Variants in SEMA3E observed in about 807,000 individuals in gnomAD.
SEMA3E encodes the protein semaphorin-3E.
A neutral mutation model predicts 93.6 loss-of-function variants in SEMA3E; 49 were observed. That is an observed-to-expected ratio of 0.52 (90% CI 0.42 to 0.66). SEMA3E has a LOEUF of 0.66. Ranked by LOEUF, SEMA3E falls within the 30% of genes least tolerant of loss-of-function variation. The pLI is 0.00. For synonymous variants in SEMA3E, 363 were observed against 330.7 expected, an observed-to-expected ratio of 1.10 and a Z score of -1.06; for missense variants, 906 against 964.8, an observed-to-expected ratio of 0.94 and a Z score of 0.81.
At chr7:83,464,811 T>C (rs1194128174) in intron 4 of SEMA3E, among the ~76,000 whole-genome samples, 3 of 146,018 alleles carry the variant, frequency 2.1e-5, no homozygotes, top group Non-Finnish European at 4.5e-5. Context: ...ACGCCGCCCC[T>C]AATCCTGCTT....
chr7:83,458,845 T>A (rs2115847931), intron 4 of SEMA3E, among the ~76,000 whole-genome samples: 1 of 147,900 alleles, frequency 6.8e-6, no homozygotes, highest in African/African-American at 2.5e-5. Flanking sequence ...ATATATATTT[T>A]TCTTTTTTGT....
intron 2 of SEMA3E, among the ~76,000 whole-genome samples, chr7:83,473,083 C>T (rs937971837): frequency 6.6e-6 from 1 of 152,152 alleles, no homozygotes; most frequent in Non-Finnish European, 1.5e-5. Context: ...TGAAAACGGA[C>T]TAATACCACA....
intron 1 of SEMA3E, among the ~76,000 whole-genome samples, chr7:83,615,442 G>A (rs1042889772): frequency 6.6e-6 from 1 of 151,992 alleles, no homozygotes; most frequent in Non-Finnish European, 1.5e-5. Flanking sequence ...AAATGTAAGA[G>A]CTTGGACTAT....
At chr7:83,462,730 A>C (rs1430839210) in intron 4 of SEMA3E, among the ~76,000 whole-genome samples, 14 of 146,184 alleles carry the variant, frequency 9.6e-5, no homozygotes, top group Non-Finnish European at 1.8e-4. Context: ...TAAAGCCTAT[A>C]AACTCTCCTT....
intron 1 of SEMA3E, among the ~76,000 whole-genome samples, chr7:83,645,607 G>C (rs987007016): frequency 3.3e-5 from 5 of 152,002 alleles, no homozygotes; most frequent in African/African-American, 1.2e-4. Context: ...TGTGCAGTGA[G>C]ATATTCAGTT....
chr7:83,453,985 G>A (rs116752521), intron 4 of SEMA3E, among the ~76,000 whole-genome samples: 4,321 of 151,620 alleles, frequency 0.028, 230 homozygotes, highest in African/African-American at 0.098. Context: ...TGGGCCGGGC[G>A]TGATGGTTCA....
rs1051565320 is a variant in SEMA3E at position 83,400,336 on chromosome 7, T to C, written c.1144-86A>G. 78 of 1,259,676 alleles carry C rather than the reference T, an allele frequency of 6.2e-5. No individual in the cohort carries two copies. The African/African-American group carries it at 9.3e-4, about 15-fold the overall frequency. 78.0% of individuals were successfully genotyped at this position (1,259,676 alleles called of 1,614,324 possible). On this transcript the variant is annotated intron_variant, in intron 10 of 16. Coordinates refer to ENST00000643230, the MANE Select transcript of SEMA3E (RefSeq NM_012431.3). ...TCAATTATGAGAAGAATCAGAAAAATTGAAGTTGTCAAATTAGTCAATTGT... is the reference window on the plus strand; with the variant it reads ...TCAATTATGAGAAGAATCAGAAAAACTGAAGTTGTCAAATTAGTCAATTGT...
intron 1 of SEMA3E, among the ~76,000 whole-genome samples, chr7:83,553,076 A>AT (rs1791799384): frequency 1.3e-5 from 2 of 150,694 alleles, no homozygotes; most frequent in African/African-American, 5.0e-5. Context: ...GAAAACCTTA[A>AT]TAAAAACTTG....
chr7:83,576,039 T>A (rs1792394896), intron 1 of SEMA3E, among the ~76,000 whole-genome samples: 1 of 152,216 alleles, frequency 6.6e-6, no homozygotes, highest in Non-Finnish European at 1.5e-5. Context: ...TGATGTCATA[T>A]GACTATCAAA....
At chr7:83,616,835 C>T (rs1793377758) in intron 1 of SEMA3E, 1 of 366,436 alleles carries the variant, frequency 2.7e-6, no homozygotes, top group Non-Finnish European at 5.3e-6. Context: ...AGTGATTCTC[C>T]TGCCTCAGCC....
At chr7:83,398,308 T>C (rs1788164513) in intron 11 of SEMA3E, among the ~76,000 whole-genome samples, 1 of 152,166 alleles carries the variant, frequency 6.6e-6, no homozygotes, top group Non-Finnish European at 1.5e-5. Flanking sequence ...AAAAATCACA[T>C]ACTAGGTTGG....
chr7:83,406,961 T>G, intron 7 of SEMA3E, 136 bp downstream of exon 7: 1 of 986,148 alleles, frequency 1.0e-6, no homozygotes, highest in South Asian at 1.4e-5. Flanking sequence ...ATGTAGAGGT[T>G]GGTATAGTAA....
At chr7:83,381,392 A>AGT (rs1787774586) in intron 16 of SEMA3E, among the ~76,000 whole-genome samples, 1 of 151,878 alleles carries the variant, frequency 6.6e-6, no homozygotes, top group Non-Finnish European at 1.5e-5. Flanking sequence ...TTGTCCAGAA[A>AGT]GTTTTTATCT....
At chr7:83,505,259 G>C (rs995654977) in intron 1 of SEMA3E, among the ~76,000 whole-genome samples, 1 of 151,958 alleles carries the variant, frequency 6.6e-6, no homozygotes, top group Non-Finnish European at 1.5e-5. Context: ...TCTCATTGCA[G>C]CTTATGTTAC....
intron 1 of SEMA3E, among the ~76,000 whole-genome samples, chr7:83,534,912 T>G (rs1412673441): frequency 6.6e-6 from 1 of 152,172 alleles, no homozygotes; most frequent in Non-Finnish European, 1.5e-5. Context: ...GGTATTCCAA[T>G]CTAGTGATAG....
At chr7:83,643,123 T>C (rs1794035814) in intron 1 of SEMA3E, among the ~76,000 whole-genome samples, 1 of 152,056 alleles carries the variant, frequency 6.6e-6, no homozygotes, top group South Asian at 2.1e-4. Context: ...TTTCATGGTT[T>C]GGTGCTTTAT....
intron 3 of SEMA3E, 45 bp from the exon 4 acceptor site, chr7:83,466,646 A>G (rs1464074672): frequency 8.7e-6 from 14 of 1,606,540 alleles, no homozygotes; most frequent in Non-Finnish European, 1.2e-5. Context: ...TATAATAAAC[A>G]TGTTTCGTCC....
intron 1 of SEMA3E, among the ~76,000 whole-genome samples, chr7:83,516,730 A>C (rs1370487704): frequency 2.0e-5 from 3 of 152,104 alleles, no homozygotes; most frequent in Non-Finnish European, 4.4e-5. Context: ...AGTGGAGACA[A>C]AATAGTGTGT....
intron 1 of SEMA3E, among the ~76,000 whole-genome samples, chr7:83,550,015 T>C (rs766717654): frequency 2.6e-5 from 4 of 152,112 alleles, no homozygotes; most frequent in Admixed American, 6.6e-5. Context: ...CTTTAGTCCA[T>C]AATTTTTGCA....
Sources: gnomAD v4.1 joint callset for allele counts (sites outside exome capture counted in the v4.1 genomes callset) on GRCh38, gnomAD v4.1.1 for gene constraint, MANE v1.5 for transcripts, NCBI Gene and HGNC (gene_info 2026-07-23, HGNC 2026-07-21) for gene names.